Variants in NASP observed in about 807,000 individuals in gnomAD.
NASP encodes the protein NASP histone chaperone.
Under a neutral mutation model 89.5 loss-of-function variants are expected in NASP, and 24 were observed. That is an observed-to-expected ratio of 0.27 (90% CI 0.19 to 0.38). The LOEUF (loss-of-function observed/expected upper bound fraction) is 0.38. NASP is among the 10% of genes least tolerant of loss of function. The pLI, the probability that NASP is intolerant of heterozygous loss-of-function variation, is 1.00. For missense variants in NASP, 848 were observed against 921.4 expected (o/e 0.92, Z 1.03); for synonymous variants, 306 against 324.7 (o/e 0.94, Z 0.62).
intron 1 of NASP, 48 bp from the exon 2 acceptor site, chr1:45,591,175 T>C: frequency 8.7e-7 from 1 of 1,148,912 alleles, no homozygotes; most frequent in Non-Finnish European, 1.2e-6. Context: ...TCAGGCTTAA[T>C]AATTGCCTCC....
chr1:45,613,842 A>AT (rs1644058337), intron 7 of NASP, among the ~76,000 whole-genome samples: 1 of 152,052 alleles, frequency 6.6e-6, no homozygotes, highest in African/African-American at 2.4e-5. Flanking sequence ...GGGACCCTTT[A>AT]TTCATGCCTA....
chr1:45,615,223 C>T (rs1477717785), intron 10 of NASP, 22 bp downstream of exon 10: 2 of 1,612,758 alleles, frequency 1.2e-6, no homozygotes, highest in South Asian at 2.2e-5. Flanking sequence ...CGAGCTGCTT[C>T]ATGGTGATGT....
rs1168927158 is a variant in NASP, at chr1:45,613,109, C to CT, written c.1427-59dup. On this transcript the variant is annotated intron_variant, in intron 6 of 14. Transcript: ENST00000350030. ...TAGGTTGAGACGTGTATTGGAATCTCTGACTAGTCAGAATACGTTCTTAGT... is the reference window on the plus strand; with the variant it reads ...TAGGTTGAGACGTGTATTGGAATCTCTTGACTAGTCAGAATACGTTCTTAGT... The CT allele has an allele frequency of 5.8e-6, 9 of 1,548,318 alleles. No homozygotes were observed. In the Admixed American group the frequency reaches 7.9e-5, roughly 14 times the overall value.
chr1:45,615,172 A>C lies in NASP; in HGVS notation c.1826A>C (p.Lys609Thr). ...GATGAGGCAGTGGCACAGTTCAGCA[A>C]ATCTATTGAAGTCATTGAGAACAGA... is the stretch of plus-strand genomic sequence containing the variant. ...QYDEAVAQFS[K>T]SIEVIENRMA... is the part of the protein sequence containing the mutation. The change falls in exon 10 of 15, where the codon AAA (lysine) becomes ACA (threonine). Residue 609 changes from lysine to threonine, a missense_variant. Physicochemically the swap from Lys to Thr is moderately conservative, Grantham distance 78 (BLOSUM62 -1). This residue lies in a region of NASP where 218 missense variants were observed against 219.6 expected (regional missense o/e 0.99). Coordinates refer to ENST00000350030, the MANE Select transcript of NASP (RefSeq NM_002482.4). The C allele has an allele frequency of 6.2e-7, 1 of 1,614,180 alleles. No individual in the cohort carries two copies. Among genetic ancestry groups the C allele is most frequent in the Non-Finnish European group, 8.5e-7 (1 of 1,180,026 alleles).
At chr1:45,588,775 A>G (rs1159881165) in intron 1 of NASP, 2 of 276,620 alleles carry the variant, frequency 7.2e-6, no homozygotes, top group Non-Finnish European at 1.4e-5. Context: ...CATCTCTACT[A>G]AAAATACAAA....
chr1:45,593,383 A>G (rs1486047225), intron 2 of NASP, among the ~76,000 whole-genome samples: 1 of 151,754 alleles, frequency 6.6e-6, no homozygotes, highest in African/African-American at 2.4e-5. Context: ...AAATACAAAA[A>G]TTAGTTGAGC....
At position 45,608,087 on chromosome 1, in the gene NASP, T is replaced by G. The variant is rs753318322; in HGVS notation, c.1176T>G (p.Ile392Met). 6.2e-7 allele frequency: 1 copy of G among 1,613,998 alleles called. No homozygotes were observed. Among genetic ancestry groups the G allele is most frequent in the Non-Finnish European group, 8.5e-7 (1 of 1,179,882 alleles). ...CAGTTGTAGGAGATCAGACTCCTATTGAACCACAGACTTCTATAGAAAGAC... is the reference window on the plus strand; with the variant it reads ...CAGTTGTAGGAGATCAGACTCCTATGGAACCACAGACTTCTATAGAAAGAC... Reference protein sequence around the residue: ...GPSVVGDQTPIEPQTSIERLT... With the variant: ...GPSVVGDQTPMEPQTSIERLT... The change falls in exon 6 of 15, where the codon ATT becomes ATG. Residue 392 changes from isoleucine (I) to methionine (M), a missense_variant. Ile to Met is a conservative substitution (Grantham distance 10, BLOSUM62 1). Transcript: ENST00000350030.
At chr1:45,597,298 C>T (rs1388437990) in intron 2 of NASP, among the ~76,000 whole-genome samples, 8 of 99,868 alleles carry the variant, frequency 8.0e-5, no homozygotes, top group South Asian at 3.7e-4. Context: ...CAGAGCAAGA[C>T]TTTTTTTTTT....
chr1:45,588,932 A>C (rs1643438385), intron 1 of NASP: 1 of 171,474 alleles, frequency 5.8e-6, no homozygotes, highest in South Asian at 1.0e-4. Flanking sequence ...CAAAAACAAA[A>C]GAATGAGCAG....
In NASP at chr1:45,584,254, G is replaced by A. The variant is rs1482416787; in HGVS notation, c.59+49G>A. ...AAGGCACTGGCCAGTCCGCGGGGAGGGCTAATGGACGGGGGCTCCGGAGAA... is the reference window on the plus strand; with the variant it reads ...AAGGCACTGGCCAGTCCGCGGGGAGAGCTAATGGACGGGGGCTCCGGAGAA... On this transcript the variant is annotated intron_variant, in intron 1 of 14. Coordinates refer to ENST00000350030, the MANE Select transcript of NASP (RefSeq NM_002482.4). The A allele has an allele frequency of 9.2e-6, 14 of 1,518,352 alleles. No homozygotes were observed. The African/African-American group carries it at 1.7e-4, about 18-fold the overall frequency. The allele number at this position is 1,518,352 out of a possible 1,614,324, so 94.1% of individuals were successfully genotyped here.
chr1:45,608,437 T>A, intron 6 of NASP, 100 bp downstream of exon 6: 1 of 1,278,372 alleles, frequency 7.8e-7, no homozygotes, highest in Non-Finnish European at 1.1e-6. Context: ...ATTTTCCGTC[T>A]GCCTTTGGAT....
At chr1:45,605,463 G>A (rs1160008525) in intron 4 of NASP, among the ~76,000 whole-genome samples, 1 of 151,876 alleles carries the variant, frequency 6.6e-6, no homozygotes, top group African/African-American at 2.4e-5. Context: ...CTCAGTTCTG[G>A]TAAGGTTTTT....
Position 45,614,388 on chromosome 1 carries a change from ACT to A in NASP, c.1666+26_1666+27del, listed in dbSNP as rs374756347. 713 of 1,540,616 alleles carry A rather than the reference ACT, an allele frequency of 4.6e-4. 3 individuals are homozygous for A. In the East Asian group the frequency reaches 8.3e-3, roughly 18 times the overall value. On this transcript the variant is annotated intron_variant, in intron 9 of 14. Coordinates refer to ENST00000350030, the MANE Select transcript of NASP (RefSeq NM_002482.4). The stretch of plus-strand genomic sequence containing the variant: ...TCTGGTAATGCATTTTCCATTTTAT[ACT>A]CTCCTACTCTCTTCAGCTCCCTCGT...
chr1:45,600,919 A>AT (rs1643826378), intron 2 of NASP, among the ~76,000 whole-genome samples: 1 of 152,074 alleles, frequency 6.6e-6, no homozygotes, highest in Admixed American at 6.5e-5. Flanking sequence ...TTTAGTTTGT[A>AT]TTTTTTTGAG....
chr1:45,616,771 A>C, intron 13 of NASP, 68 bp downstream of exon 13: 1 of 1,406,966 alleles, frequency 7.1e-7, no homozygotes, highest in Non-Finnish European at 1.0e-6. Context: ...CTTTCCTATA[A>C]ACCCCTCCCT....
intron 3 of NASP, 36 bp downstream of exon 3, chr1:45,602,401 T>C (rs774486684): frequency 1.3e-6 from 2 of 1,582,836 alleles, no homozygotes; most frequent in East Asian, 2.3e-5. Context: ...TGTAATATTA[T>C]GTTCTAATAA....
At chr1:45,617,314 C>A in intron 13 of NASP, 149 bp from the exon 14 acceptor site, 1 of 805,476 alleles carries the variant, frequency 1.2e-6, no homozygotes, top group Non-Finnish European at 2.0e-6. Flanking sequence ...TACAGGTTGG[C>A]ATCTGCCTGT....
At chr1:45,611,009 C>G (rs937756275) in intron 6 of NASP, 1 of 152,286 alleles carries the variant, frequency 6.6e-6, no homozygotes, top group Non-Finnish European at 1.5e-5. Flanking sequence ...TGAACCATTG[C>G]ACCTGGCCCA....
At chr1:45,590,310 C>T (rs970235648) in intron 1 of NASP, among the ~76,000 whole-genome samples, 24 of 134,834 alleles carry the variant, frequency 1.8e-4, no homozygotes, top group African/African-American at 6.5e-4. Flanking sequence ...TTTGGGAGGC[C>T]GAGGCAGGTG....
Sources: allele counts gnomAD v4.1 joint callset (sites outside exome capture counted in the v4.1 genomes callset), GRCh38; gene constraint gnomAD v4.1.1; regional missense constraint gnomAD v4.1.1; transcripts MANE v1.5; gene names NCBI Gene and HGNC (gene_info 2026-07-23, HGNC 2026-07-21).